DMD: variants seen among roughly 807,000 people sequenced by gnomAD.
The protein encoded by DMD is mutant dystrophin.
A neutral mutation model predicts 330.1 loss-of-function variants in DMD; 63 were observed. That is an observed-to-expected ratio of 0.19 (90% CI 0.16 to 0.24). The LOEUF is 0.24. DMD is among the 10% of genes least tolerant of loss of function. The probability of loss-of-function intolerance (pLI) is 1.00; values close to 1 mark genes in which losing one functional copy is unlikely to be tolerated. For missense variants in DMD, 3,344 were observed against 2,684.1 expected, an observed-to-expected ratio of 1.25 and a Z score of -5.43; for synonymous variants, 1,223 against 959.8, an observed-to-expected ratio of 1.27 and a Z score of -5.07.
Position 33,000,180 on chromosome X carries a change from T to C in DMD, c.93+19959A>G, listed in dbSNP as rs974515504. On this transcript the variant is annotated intron_variant, in intron 2 of 78. Coordinates refer to ENST00000357033, the MANE Select transcript of DMD (RefSeq NM_004006.3). ...TATAGGGGTGTTTTTATACTAAACATACTTTAGTTTACATAATAGAGTGTA... is the reference window on the plus strand; with the variant it reads ...TATAGGGGTGTTTTTATACTAAACACACTTTAGTTTACATAATAGAGTGTA... 1.6e-4 allele frequency among the ~76,000 whole-genome samples: 18 copies of C among 111,929 alleles called. 1 individual carries two copies. The highest frequency in any genetic ancestry group is 3.2e-4 in the Non-Finnish European group (17 of 53,189).
chrX:32,428,339 A>G (rs1005008494), intron 29 of DMD, among the ~76,000 whole-genome samples: 34 of 112,040 alleles, frequency 3.0e-4, no homozygotes, highest in African/African-American at 1.1e-3. Context: ...CAAATTTAAG[A>G]GTATTTCCCT....
At chrX:32,187,304 G>C (rs2096952004) in intron 44 of DMD, among the ~76,000 whole-genome samples, 1 of 110,993 alleles carries the variant, frequency 9.0e-6, no homozygotes, top group African/African-American at 3.3e-5. Flanking sequence ...GACCATACTT[G>C]TGGGAAAAAT....
chrX:32,223,243 G>C lies in DMD; in HGVS notation c.6291-6180C>G, dbSNP rs184086688. Among the ~76,000 whole-genome samples, 15 of 111,759 alleles carry C rather than the reference G, an allele frequency of 1.3e-4. No homozygotes were observed. In the East Asian group the frequency reaches 4.3e-3, roughly 32 times the overall value. On this transcript the variant is annotated intron_variant, in intron 43 of 78. Transcript: ENST00000357033. ...GGTGTCTGGTGAGGGCCTTCCTGCT[G>C]TATCTTCACAAGGCAGAAGGTAGAA...
intron 52 of DMD, among the ~76,000 whole-genome samples, chrX:31,720,961 T>C (rs2085424412): frequency 8.9e-6 from 1 of 111,838 alleles, no homozygotes; most frequent in Non-Finnish European, 1.9e-5. Context: ...ATGGAAAACA[T>C]TCATTTCATG....
chrX:33,158,529 A>G (rs1001535395), intron 1 of DMD, among the ~76,000 whole-genome samples: 2 of 111,687 alleles, frequency 1.8e-5, no homozygotes, highest in African/African-American at 6.5e-5. Context: ...ACCACTGGGC[A>G]TGCTCAGAAT....
chrX:33,201,024 C>G (rs1003596661), intron 1 of DMD, among the ~76,000 whole-genome samples: 1 of 100,839 alleles, frequency 9.9e-6, no homozygotes, highest in Non-Finnish European at 2.0e-5. Context: ...TTCCACCTCC[C>G]GGGCTCAAGT....
chrX:31,759,952 T>C (rs1603461176), intron 51 of DMD, among the ~76,000 whole-genome samples: 1 of 112,017 alleles, frequency 8.9e-6, no homozygotes, highest in Non-Finnish European at 1.9e-5. Context: ...ACTAAGATAA[T>C]GTTCTCTCAG....
chrX:32,511,524 GAAA>G (rs67754841), intron 18 of DMD, among the ~76,000 whole-genome samples: 1 of 49,788 alleles, frequency 2.0e-5, no homozygotes, highest in African/African-American at 7.8e-5. Flanking sequence ...TCCGTCTCGG[GAAA>G]AAAAAAAAAA....
chrX:32,166,303 A>T (rs752929638), intron 44 of DMD, among the ~76,000 whole-genome samples: 1 of 109,696 alleles, frequency 9.1e-6, no homozygotes, highest in African/African-American at 3.3e-5. Context: ...AGAAAAGAAA[A>T]CGTGTTAGCT....
chrX:32,417,132 G>A (rs888014807), intron 29 of DMD, among the ~76,000 whole-genome samples: 1 of 111,619 alleles, frequency 9.0e-6, no homozygotes, highest in African/African-American at 3.3e-5. Context: ...TTTGGGTATA[G>A]TCTTAAACTG....
At chrX:33,309,589 G>A (rs564404267) in intron 1 of DMD, among the ~76,000 whole-genome samples, 2 of 110,662 alleles carry the variant, frequency 1.8e-5, no homozygotes, top group African/African-American at 6.5e-5. Context: ...TTACTGCAAA[G>A]AGATAGTAAA....
chrX:31,126,250 G>A (rs893447058), intron 78 of DMD, among the ~76,000 whole-genome samples: 16 of 112,110 alleles, frequency 1.4e-4, no homozygotes, highest in African/African-American at 4.8e-4. Context: ...GGCGCTGGCA[G>A]AAAATGCTAA....
At chrX:32,740,009 A>G (rs1375151423) in intron 7 of DMD, among the ~76,000 whole-genome samples, 4 of 109,973 alleles carry the variant, frequency 3.6e-5, no homozygotes, top group Admixed American at 9.9e-5. Flanking sequence ...GGCTCCTGAT[A>G]GTATCTTTTA....
At chrX:31,784,799 T>C (rs774032436) in intron 50 of DMD, among the ~76,000 whole-genome samples, 29 of 112,193 alleles carry the variant, frequency 2.6e-4, no homozygotes, top group African/African-American at 9.4e-4. Flanking sequence ...CTACATGTTC[T>C]GATAACATTT....
intron 44 of DMD, among the ~76,000 whole-genome samples, chrX:32,086,576 T>C (rs749683019): frequency 5.4e-5 from 6 of 111,538 alleles, no homozygotes; most frequent in Non-Finnish European, 9.4e-5. Flanking sequence ...ATCATCACTG[T>C]GGATGTGTTC....
At chrX:32,772,633 C>T (rs746930637) in intron 7 of DMD, among the ~76,000 whole-genome samples, 8 of 111,446 alleles carry the variant, frequency 7.2e-5, no homozygotes, top group African/African-American at 3.3e-5. Flanking sequence ...TAGAGGTAGA[C>T]GTTTTAAAGG....
At chrX:31,854,244 C>T (rs905937156) in intron 48 of DMD, among the ~76,000 whole-genome samples, 2 of 111,600 alleles carry the variant, frequency 1.8e-5, no homozygotes, top group African/African-American at 3.3e-5. Flanking sequence ...AATTGGGACA[C>T]GTTTTATAAA....
rs1387468444 is a variant in DMD, at chrX:32,648,030, TACTC to T, written c.961-2882_961-2879del. Among the ~76,000 whole-genome samples the T allele has an allele frequency of 2.7e-5, 3 of 112,203 alleles. No individual in the cohort carries two copies. The East Asian group carries it at 8.3e-4, about 31-fold the overall frequency. ...AACGAAGCATTGTAAACAGCACTAA[TACTC>T]AAGTAACACAATACTTTACACTGTG... On this transcript the variant is annotated intron_variant, in intron 9 of 78. Transcript: ENST00000357033.
chrX:33,114,709 A>T (rs996234140), intron 1 of DMD, among the ~76,000 whole-genome samples: 1 of 111,277 alleles, frequency 9.0e-6, no homozygotes, highest in Non-Finnish European at 1.9e-5. Context: ...TATTATGAAA[A>T]CATAAATAAT....
Sources: gnomAD v4.1 joint callset for allele counts (sites outside exome capture counted in the v4.1 genomes callset) on GRCh38, gnomAD v4.1.1 for gene constraint, MANE v1.5 for transcripts, NCBI Gene and HGNC (gene_info 2026-07-23, HGNC 2026-07-21) for gene names.